Variants in ZNF521 observed in about 807,000 individuals in gnomAD.
The protein encoded by ZNF521 is LYST-interacting protein 3.
A neutral mutation model predicts 105.5 loss-of-function variants in ZNF521; 14 were observed. The ratio of observed to expected loss-of-function variants is 0.13; its 90% CI spans 0.09 to 0.21. ZNF521 has a LOEUF of 0.21. ZNF521 is among the 10% of genes least tolerant of loss of function. The pLI is 1.00. For synonymous variants in ZNF521, 635 were observed against 606.0 expected (o/e 1.05, Z -0.70); for missense variants, 1,233 against 1,629.7 (o/e 0.76, Z 4.19).
intron 5 of ZNF521, among the ~76,000 whole-genome samples, chr18:25,137,711 G>C (rs1198715949): frequency 6.6e-6 from 1 of 152,116 alleles, no homozygotes; most frequent in Admixed American, 6.5e-5. Context: ...CTAAATCCCA[G>C]CAGTGAGCCT....
chr18:25,197,309 T>A (rs986225179), intron 4 of ZNF521, among the ~76,000 whole-genome samples: 4 of 151,822 alleles, frequency 2.6e-5, no homozygotes, highest in Admixed American at 6.6e-5. Context: ...CAATGAACCG[T>A]GATTTTAAAA....
chr18:25,159,266 G>C (rs913860620), intron 5 of ZNF521, among the ~76,000 whole-genome samples: 5 of 152,136 alleles, frequency 3.3e-5, no homozygotes, highest in African/African-American at 1.2e-4. Flanking sequence ...GAGGTAAACA[G>C]TTTCTTCCAT....
At chr18:25,165,948 G>C (rs566377872) in intron 5 of ZNF521, among the ~76,000 whole-genome samples, 1 of 152,102 alleles carries the variant, frequency 6.6e-6, no homozygotes, top group African/African-American at 2.4e-5. Context: ...ACACCAAAAA[G>C]AACCACTCTG....
At chr18:25,267,487 T>C (rs550966188) in intron 3 of ZNF521, among the ~76,000 whole-genome samples, 2 of 152,260 alleles carry the variant, frequency 1.3e-5, no homozygotes, top group African/African-American at 2.4e-5. Flanking sequence ...AACTGAGAGA[T>C]ACCTCCCAGT....
Position 25,225,183 on chromosome 18 carries a change from C to A in ZNF521, c.2735G>T (p.Arg912Ile). The stretch of plus-strand genomic sequence containing the variant: ...TTTCACGATGGCACTTTCTCCAGGT[C>A]TGATGTTGTGGTCTCGGAGCTGGTG... ...QNHQLRDHNI[R>I]PGESAIVKKK... Residue 912 changes from arginine to isoleucine, a missense_variant, in exon 4 of 8, where the codon AGA (arginine) becomes ATA (isoleucine). This residue lies in a region of ZNF521 where 614 missense variants were observed against 751.5 expected (regional missense o/e 0.82). Coordinates refer to ENST00000361524, the MANE Select transcript of ZNF521 (RefSeq NM_015461.3). The surrounding 1 kb of genome is among the most constrained non-coding windows in gnomAD (Gnocchi z 5.6). 6.2e-7 allele frequency: 1 copy of A among 1,614,110 alleles called. No individual in the cohort carries two copies. Among genetic ancestry groups the A allele is most frequent in the Non-Finnish European group, 8.5e-7 (1 of 1,180,026 alleles).
chr18:25,311,966 G>T (rs1912334496), intron 3 of ZNF521, among the ~76,000 whole-genome samples: 1 of 152,002 alleles, frequency 6.6e-6, no homozygotes, highest in African/African-American at 2.4e-5. Context: ...TCTCCACTTA[G>T]GTTTTACTTG....
chr18:25,298,981 G>A (rs1017835700), intron 3 of ZNF521, among the ~76,000 whole-genome samples: 1 of 152,106 alleles, frequency 6.6e-6, no homozygotes, highest in African/African-American at 2.4e-5. Flanking sequence ...GATACACCTT[G>A]GACAACGGAC....
chr18:25,251,881 A>G (rs1908143489), intron 3 of ZNF521, among the ~76,000 whole-genome samples: 1 of 152,180 alleles, frequency 6.6e-6, no homozygotes, highest in South Asian at 2.1e-4. Context: ...CACACTGGTG[A>G]TAGTTCAATG....
chr18:25,120,972 G>A (rs1222440318), intron 5 of ZNF521, among the ~76,000 whole-genome samples: 1 of 152,086 alleles, frequency 6.6e-6, no homozygotes, highest in African/African-American at 2.4e-5. Flanking sequence ...GGTCATCTAT[G>A]CTCTCAAGTT....
At chr18:25,295,982 A>C (rs1911301762) in intron 3 of ZNF521, among the ~76,000 whole-genome samples, 2 of 152,336 alleles carry the variant, frequency 1.3e-5, no homozygotes, top group South Asian at 4.1e-4. Flanking sequence ...AATTTGACAG[A>C]TATGAAGCCC....
intron 5 of ZNF521, among the ~76,000 whole-genome samples, chr18:25,172,918 T>C (rs2035473230): frequency 6.6e-6 from 1 of 152,214 alleles, no homozygotes; most frequent in South Asian, 2.1e-4. Flanking sequence ...TTCTCTACTA[T>C]TAGGCAGATA....
At chr18:25,070,561 T>C (rs936220730) in intron 7 of ZNF521, among the ~76,000 whole-genome samples, 4 of 152,182 alleles carry the variant, frequency 2.6e-5, no homozygotes, top group African/African-American at 7.2e-5. Context: ...AGAAGGCCAG[T>C]GGGGCTTGCC....
At chr18:25,334,794 T>A (rs969525423) in intron 2 of ZNF521, among the ~76,000 whole-genome samples, 1 of 152,126 alleles carries the variant, frequency 6.6e-6, no homozygotes, top group Non-Finnish European at 1.5e-5. Context: ...ATAAAGAGGA[T>A]AAAACATGCA....
At chr18:25,288,481 C>T (rs1391677859) in intron 3 of ZNF521, among the ~76,000 whole-genome samples, 1 of 151,530 alleles carries the variant, frequency 6.6e-6, no homozygotes, top group Non-Finnish European at 1.5e-5. Context: ...TTTCCAGATC[C>T]GTGGGTAGCT....
chr18:25,248,430 T>C (rs562516677), intron 3 of ZNF521, among the ~76,000 whole-genome samples: 10 of 152,230 alleles, frequency 6.6e-5, no homozygotes, highest in African/African-American at 2.4e-4. Context: ...ACACTGAATG[T>C]ATATTATGAT....
chr18:25,344,224 C>T (rs982596441), intron 2 of ZNF521, among the ~76,000 whole-genome samples: 1 of 115,126 alleles, frequency 8.7e-6, no homozygotes, highest in Non-Finnish European at 1.9e-5. Context: ...AAAAAAGCTG[C>T]GATTCTACTT....
chr18:25,351,009 G>C, intron 1 of ZNF521, 62 bp from the exon 2 acceptor site: 1 of 1,394,810 alleles, frequency 7.2e-7, no homozygotes, highest in Non-Finnish European at 9.4e-7. Context: ...CTTCCTCGTG[G>C]CCGCGCGCCC....
At chr18:25,214,694 T>C (rs767955521) in intron 4 of ZNF521, among the ~76,000 whole-genome samples, 2 of 152,204 alleles carry the variant, frequency 1.3e-5, no homozygotes, top group Non-Finnish European at 2.9e-5. Context: ...TTTTCATTTA[T>C]AAATTACTTG....
chr18:25,108,924 T>C (rs560377604), intron 5 of ZNF521, among the ~76,000 whole-genome samples: 1 of 152,284 alleles, frequency 6.6e-6, no homozygotes, highest in African/African-American at 2.4e-5. Context: ...TGCACCTGGC[T>C]AGATTTTAAA....
Sources: gnomAD v4.1 joint callset for allele counts (sites outside exome capture counted in the v4.1 genomes callset) on GRCh38, gnomAD v4.1.1 for gene constraint, gnomAD v4.1.1 regional missense constraint, Gnocchi (gnomAD v3.1) non-coding constraint, MANE v1.5 for transcripts, NCBI Gene and HGNC (gene_info 2026-07-23, HGNC 2026-07-21) for gene names.